The following UNC13B variants were observed in gnomAD, a reference collection of about 807,000 sequenced individuals.
UNC13B encodes the protein protein unc-13 homolog B.
A neutral mutation model predicts 211.0 loss-of-function variants in UNC13B; 144 were observed. The ratio of observed to expected loss-of-function variants is 0.68; its 90% CI spans 0.60 to 0.78. UNC13B has a LOEUF of 0.78. Among genes scored for constraint, UNC13B ranks in the 30% least tolerant of loss-of-function variants. The pLI is 0.00. For synonymous variants in UNC13B, 709 were observed against 725.8 expected (o/e 0.98, Z 0.37); for missense variants, 1,777 against 2,002.0 (o/e 0.89, Z 2.14).
Position 35,307,321 on chromosome 9 carries a change from C to T in UNC13B, c.7917C>T (p.Asp2639=), listed in dbSNP as rs1829973308. 1 of 399,014 alleles carries T rather than the reference C, an allele frequency of 2.5e-6. No individual in the cohort carries two copies. 24.7% of individuals were successfully genotyped at this position (399,014 alleles called of 1,614,324 possible). A position where few individuals can be genotyped will look rare whatever the true frequency, so the allele number is the denominator to read the frequency against. The part of the protein sequence containing the change: ...EGDMGILQAT[D]TEASLEAENF... ...ACATGGGGATATTGCAAGCTACAGA[C>T]ACGGAGGCATCGTTAGAAGCAGAGA... Residue 2639 remains aspartate, a synonymous_variant, in exon 9 of 40, where the codon GAC becomes GAT. Transcript: ENST00000635942.
Position 35,399,132 on chromosome 9 carries a change from C to G in UNC13B, c.12075-29C>G, listed in dbSNP as rs55749349. 20 of 1,614,062 alleles carry G rather than the reference C, an allele frequency of 1.2e-5. No homozygotes were observed. The African/African-American group carries it at 1.7e-4, about 14-fold the overall frequency. ...GGAGAGGGGTTCTCAAACTCTCACC[C>G]TGGTCTCACCTGTTGCCTGGACTTG... On this transcript the variant is annotated intron_variant, in intron 33 of 39. Transcript: ENST00000635942.
At chr9:35,380,987 G>A (rs947125198) in intron 18 of UNC13B, 113 bp from the exon 19 acceptor site, 4 of 999,374 alleles carry the variant, frequency 4.0e-6, no homozygotes, top group African/African-American at 3.3e-5. Flanking sequence ...CCTTGGGTTG[G>A]CCCCTTCTTT....
chr9:35,382,495 C>A lies in UNC13B; in HGVS notation c.10794C>A (p.Ala3598=). Residue 3598 remains alanine, a synonymous_variant, in exon 21 of 40, where the codon GCC becomes GCA. Coordinates refer to ENST00000635942, the MANE Select transcript of UNC13B (RefSeq NM_001371189.2). ...TNVSASDRFA[A]SNFGKERFVK... ...TCTCTGCATCTGATCGCTTTGCAGC[C>A]TCCAACTTTGGGGTAAGTATCATGT... 6.2e-7 allele frequency: 1 copy of A among 1,612,930 alleles called. No homozygotes were observed. Among genetic ancestry groups the A allele is most frequent in the Non-Finnish European group, 8.5e-7 (1 of 1,179,738 alleles).
At chr9:35,219,761 TA>T (rs1357113904) in intron 1 of UNC13B, among the ~76,000 whole-genome samples, 1 of 152,142 alleles carries the variant, frequency 6.6e-6, no homozygotes, top group Non-Finnish European at 1.5e-5. Context: ...TAGTCAAGAT[TA>T]AAAAAATGGT....
At chr9:35,200,542 G>A (rs1030718558) in intron 1 of UNC13B, among the ~76,000 whole-genome samples, 3 of 152,104 alleles carry the variant, frequency 2.0e-5, no homozygotes, top group African/African-American at 7.2e-5. Flanking sequence ...CCTTGAAGAG[G>A]TCCTTCACAT....
chr9:35,344,175 C>T (rs940759746), intron 11 of UNC13B, among the ~76,000 whole-genome samples: 1 of 152,138 alleles, frequency 6.6e-6, no homozygotes, highest in African/African-American at 2.4e-5. Context: ...AGGATCTCTC[C>T]CTGCCAGTCT....
chr9:35,245,563 T>C (rs1300501259), intron 6 of UNC13B, among the ~76,000 whole-genome samples: 9 of 138,562 alleles, frequency 6.5e-5, no homozygotes, highest in Admixed American at 8.1e-5. Flanking sequence ...AGTGTTCTCA[T>C]TGTTCAATTC....
rs565450588 is a variant in UNC13B at position 35,200,850 on chromosome 9, T to C, written c.23-27165T>C. Reference sequence around the variant, plus strand: ...ATTTCTTTCTCTTGCCTGATTGCCCTGGCCAGAACTTCCAACACTATGTTG... The same window carrying C: ...ATTTCTTTCTCTTGCCTGATTGCCCCGGCCAGAACTTCCAACACTATGTTG... On this transcript the variant is annotated intron_variant, in intron 1 of 39. Transcript: ENST00000635942. Among the ~76,000 whole-genome samples the C allele has an allele frequency of 2.0e-4, 31 of 152,326 alleles. No homozygotes were observed. The South Asian group carries it at 6.4e-3, about 32-fold the overall frequency.
At chr9:35,370,525 A>C in intron 13 of UNC13B, 129 bp downstream of exon 13, 1 of 814,104 alleles carries the variant, frequency 1.2e-6, no homozygotes, top group South Asian at 1.8e-5. Context: ...AATCATTTAA[A>C]GCCTTCGGAG....
chr9:35,379,188 C>A (rs1834651776), intron 17 of UNC13B, among the ~76,000 whole-genome samples: 1 of 152,182 alleles, frequency 6.6e-6, no homozygotes, highest in African/African-American at 2.4e-5. Context: ...TGGCTCACAC[C>A]TGTAATCCCA....
chr9:35,380,218 C>A (rs753664002), intron 17 of UNC13B, among the ~76,000 whole-genome samples: 1 of 152,136 alleles, frequency 6.6e-6, no homozygotes, highest in Non-Finnish European at 1.5e-5. Flanking sequence ...TTACTCTTCC[C>A]TCCACCCCTT....
At chr9:35,255,008 TA>T (rs1226775347) in intron 6 of UNC13B, among the ~76,000 whole-genome samples, 1 of 120,292 alleles carries the variant, frequency 8.3e-6, no homozygotes, top group Admixed American at 1.1e-4. Context: ...TTATATTATA[TA>T]TTAATATATG....
At chr9:35,280,057 T>G (rs771572007) in intron 7 of UNC13B, among the ~76,000 whole-genome samples, 1 of 152,184 alleles carries the variant, frequency 6.6e-6, no homozygotes, top group Non-Finnish European at 1.5e-5. Context: ...TCCTCTGGTT[T>G]AACTTCTGTC....
At chr9:35,274,385 G>A (rs1299824364) in intron 7 of UNC13B, among the ~76,000 whole-genome samples, 1 of 152,098 alleles carries the variant, frequency 6.6e-6, no homozygotes, top group Non-Finnish European at 1.5e-5. Flanking sequence ...GAATTTGCAT[G>A]TCTTACAGAT....
chr9:35,293,645 T>A (rs1332912290), intron 7 of UNC13B, among the ~76,000 whole-genome samples: 3 of 152,190 alleles, frequency 2.0e-5, no homozygotes, highest in East Asian at 1.9e-4. Context: ...GGGTCCTATT[T>A]TTCTTGTCTT....
intron 1 of UNC13B, among the ~76,000 whole-genome samples, chr9:35,174,347 G>T (rs1324027130): frequency 6.6e-6 from 1 of 151,206 alleles, no homozygotes; most frequent in African/African-American, 2.4e-5. Context: ...TTGTCGGGGG[G>T]CAGGGTCTCC....
Position 35,399,463 on chromosome 9 carries a change from G to A in UNC13B, c.12255+15G>A. 1.2e-6 allele frequency: 2 copies of A among 1,614,122 alleles called. No homozygotes were observed. Among genetic ancestry groups the A allele is most frequent in the Non-Finnish European group, 8.5e-7 (1 of 1,180,026 alleles). ...CCAAACTCAAGGTACTCTGGGTGTG[G>A]GGTCCTCCTGGCAGGTGTGGTCCTT... On this transcript the variant is annotated intron_variant, in intron 35 of 39. Coordinates refer to ENST00000635942, the MANE Select transcript of UNC13B (RefSeq NM_001371189.2).
intron 1 of UNC13B, among the ~76,000 whole-genome samples, chr9:35,175,905 A>G (rs549201508): frequency 3.3e-5 from 5 of 152,002 alleles, no homozygotes; most frequent in Admixed American, 6.6e-5. Flanking sequence ...GCATGCCTAT[A>G]ATCCCACTTA....
At chr9:35,321,254 C>T (rs576902531) in intron 11 of UNC13B, among the ~76,000 whole-genome samples, 3 of 152,104 alleles carry the variant, frequency 2.0e-5, no homozygotes, top group East Asian at 1.9e-4. Context: ...TTTGAGACAG[C>T]GTCTTGCCTG....
Sources: gnomAD v4.1 joint callset for allele counts (sites outside exome capture counted in the v4.1 genomes callset) on GRCh38, gnomAD v4.1.1 for gene constraint, MANE v1.5 for transcripts, NCBI Gene and HGNC (gene_info 2026-07-23, HGNC 2026-07-21) for gene names.